ABCA13: variants seen among roughly 807,000 people sequenced by gnomAD.
ABCA13 encodes ATP-binding cassette sub-family A member 13.
In ABCA13, 476 loss-of-function variants were observed where a neutral mutation model predicts 478.7. That is an observed-to-expected ratio of 0.99 (90% CI 0.92 to 1.07). ABCA13 has a LOEUF of 1.07. ABCA13 is among the 50% of genes least tolerant of loss of function. The pLI, the probability that ABCA13 is intolerant of heterozygous loss-of-function variation, is 0.00. For missense variants in ABCA13, 6,060 were observed against 5,910.6 expected (o/e 1.03, Z -0.83); for synonymous variants, 2,252 against 2,158.9 (o/e 1.04, Z -1.20).
Position 48,183,876 on chromosome 7 carries a change from T to C in ABCA13, c.70-9083T>C, listed in dbSNP as rs570287471. ...AATGTTGTGTAAACACTTTTGACCA[T>C]TGAGCATACCTCTTGGTTCATGTGT... On this transcript the variant is annotated intron_variant, in intron 1 of 61. Coordinates refer to ENST00000435803, the MANE Select transcript of ABCA13 (RefSeq NM_152701.5). 4.6e-5 allele frequency among the ~76,000 whole-genome samples: 7 copies of C among 152,350 alleles called. No homozygotes were observed. In the East Asian group the frequency reaches 1.2e-3, roughly 25 times the overall value.
intron 9 of ABCA13, among the ~76,000 whole-genome samples, chr7:48,240,597 T>TA (rs1790683869): frequency 6.6e-6 from 1 of 152,236 alleles, no homozygotes; most frequent in African/African-American, 2.4e-5. Context: ...AGGTGTATGT[T>TA]ATTCCCTTCT....
intron 55 of ABCA13, among the ~76,000 whole-genome samples, chr7:48,528,962 G>T (rs1440492999): frequency 1.3e-5 from 2 of 152,148 alleles, no homozygotes; most frequent in Non-Finnish European, 2.9e-5. Flanking sequence ...ATACACTCAT[G>T]CATTCCTTTA....
chr7:48,397,019 G>A (rs528164875), intron 38 of ABCA13, among the ~76,000 whole-genome samples: 27 of 152,300 alleles, frequency 1.8e-4, no homozygotes, highest in Non-Finnish European at 3.7e-4. Flanking sequence ...TCTTTTCATA[G>A]TGTCTGTTTT....
intron 55 of ABCA13, among the ~76,000 whole-genome samples, chr7:48,568,264 GTTCATACAATAAC>G (rs1346164139): frequency 6.6e-6 from 1 of 151,880 alleles, no homozygotes; most frequent in Non-Finnish European, 1.5e-5. Flanking sequence ...ATATAAATAG[GTTCATACAATAAC>G]TTCCTTTTAT....
At position 48,273,887 on chromosome 7, in the gene ABCA13, G is replaced by T. The variant is rs764550533; in HGVS notation, c.4221G>T (p.Leu1407Phe). The T allele has an allele frequency of 4.3e-6, 7 of 1,612,626 alleles. No individual in the cohort carries two copies. The East Asian group carries it at 1.1e-4, about 26-fold the overall frequency. Reference protein sequence around the residue: ...WLDVINHLYLLSNSSFSQGHL... With the variant: ...WLDVINHLYLFSNSSFSQGHL... ...ATGTCATAAACCATTTGTATTTGTT[G>T]TCTAACTCCAGTTTTTCACAAGGTC... The change falls in exon 17 of 62, where the codon TTG (leucine) becomes TTT (phenylalanine). Residue 1407 changes from leucine (L) to phenylalanine (F), a missense_variant. Physicochemically the swap from Leu to Phe is conservative, Grantham distance 22. Coordinates refer to ENST00000435803, the MANE Select transcript of ABCA13 (RefSeq NM_152701.5).
chr7:48,364,234 A>G (rs965408826), intron 31 of ABCA13, among the ~76,000 whole-genome samples: 1 of 152,158 alleles, frequency 6.6e-6, no homozygotes. Context: ...TTCCCTGGAA[A>G]TAGGGTCTAG....
At chr7:48,291,228 G>A (rs879663691) in intron 20 of ABCA13, among the ~76,000 whole-genome samples, 3 of 152,164 alleles carry the variant, frequency 2.0e-5, no homozygotes, top group Non-Finnish European at 4.4e-5. Flanking sequence ...TTCTGGTAGA[G>A]CAGTCAGCGG....
chr7:48,495,826 T>A (rs984755818), intron 48 of ABCA13, among the ~76,000 whole-genome samples: 72 of 152,188 alleles, frequency 4.7e-4, no homozygotes, highest in African/African-American at 1.7e-3. Context: ...ATTTTCCTGG[T>A]AGATTAATCC....
chr7:48,511,534 G>A (rs1052432478), intron 51 of ABCA13, among the ~76,000 whole-genome samples: 4 of 152,032 alleles, frequency 2.6e-5, no homozygotes, highest in South Asian at 2.1e-4. Context: ...CAATTAACTC[G>A]GAGATTGCAT....
intron 31 of ABCA13, among the ~76,000 whole-genome samples, chr7:48,365,776 G>C (rs539272122): frequency 2.4e-4 from 37 of 152,190 alleles, no homozygotes; most frequent in Admixed American, 6.5e-4. Flanking sequence ...ATTGGTTTAT[G>C]TGTCTGTTTT....
chr7:48,550,513 C>G (rs1785216629), intron 55 of ABCA13, among the ~76,000 whole-genome samples: 1 of 151,828 alleles, frequency 6.6e-6, no homozygotes, highest in African/African-American at 2.4e-5. Context: ...CCCCCCTCAG[C>G]CTCCCAAAGT....
chr7:48,182,961 AG>A (rs1017082582), intron 1 of ABCA13, among the ~76,000 whole-genome samples: 5 of 152,222 alleles, frequency 3.3e-5, no homozygotes, highest in Non-Finnish European at 5.9e-5. Flanking sequence ...CATCTGGGAA[AG>A]TCCCCTCTTT....
intron 42 of ABCA13, among the ~76,000 whole-genome samples, chr7:48,445,312 C>T (rs541595682): frequency 6.6e-6 from 1 of 152,184 alleles, no homozygotes; most frequent in South Asian, 2.1e-4. Context: ...CCCGGCCTAG[C>T]CAAGTCTTAA....
intron 43 of ABCA13, among the ~76,000 whole-genome samples, chr7:48,465,066 C>A (rs1826716958): frequency 6.6e-6 from 1 of 152,162 alleles, no homozygotes; most frequent in South Asian, 2.1e-4. Context: ...TTCTCCTGGT[C>A]TGGGCTGCGC....
chr7:48,285,146 G>GT (rs1186037202), intron 19 of ABCA13, among the ~76,000 whole-genome samples: 62 of 152,274 alleles, frequency 4.1e-4, no homozygotes, highest in African/African-American at 1.4e-3. Flanking sequence ...GGCCCAGAGA[G>GT]TGAGAGTGAG....
In ABCA13 at chr7:48,275,339, T is replaced by G; in HGVS notation, c.5673T>G (p.His1891Gln). 6.2e-7 allele frequency: 1 copy of G among 1,613,978 alleles called. No homozygotes were observed. Among genetic ancestry groups the G allele is most frequent in the Non-Finnish European group, 8.5e-7 (1 of 1,179,870 alleles). The stretch of plus-strand genomic sequence containing the variant: ...CTAGGAAAGTGGTCTGCATAATTCA[T>G]GAATTAGTGGACTGGAATTCTATTC... ...EITRKVVCII[H>Q]ELVDWNSILL... The change falls in exon 17 of 62, where the codon CAT becomes CAG. Residue 1891 changes from histidine to glutamine, a missense_variant. This residue lies in a region of ABCA13 where 4,423 missense variants were observed against 4,309.1 expected (regional missense o/e 1.03). Coordinates refer to ENST00000435803, the MANE Select transcript of ABCA13 (RefSeq NM_152701.5).
intron 59 of ABCA13, among the ~76,000 whole-genome samples, chr7:48,617,086 C>G (rs1391556320): frequency 6.6e-6 from 1 of 152,026 alleles, no homozygotes; most frequent in Non-Finnish European, 1.5e-5. Flanking sequence ...AACTATAAAC[C>G]TATAATAAAC....
rs1458582661 is a variant in ABCA13 at position 48,580,375 on chromosome 7, G to A, written c.14505+1G>A. ...GATTCCAAGGCAGTGCATCCCTGAGGTAAATCTCCCTGGGGTCTTCTAGAT... is the reference window on the plus strand; with the variant it reads ...GATTCCAAGGCAGTGCATCCCTGAGATAAATCTCCCTGGGGTCTTCTAGAT... On this transcript the variant is annotated splice_donor_variant, in intron 56 of 61. Coordinates refer to ENST00000435803, the MANE Select transcript of ABCA13 (RefSeq NM_152701.5). LOFTEE classifies it high-confidence loss of function. The A allele has an allele frequency of 6.2e-7, 1 of 1,610,780 alleles. No homozygotes were observed. The highest frequency in any genetic ancestry group is 1.1e-5 in the South Asian group (1 of 90,244).
Position 48,276,185 on chromosome 7 carries a change from A to G in ABCA13, c.6519A>G (p.Lys2173=). 1 of 1,589,714 alleles carries G rather than the reference A, an allele frequency of 6.3e-7. No individual in the cohort carries two copies. The highest frequency in any genetic ancestry group is 8.6e-7 in the Non-Finnish European group (1 of 1,167,960). ...KAIATFWGSL[K]NISRAGNFDV... is the part of the protein sequence containing the mutation. ...TTGCTACTTTTTGGGGCTCTTTAAA[A>G]AATATATCTAGAGCAGGCAATTTTG... Residue 2173 remains lysine, a synonymous_variant, in exon 17 of 62, where the codon AAA becomes AAG. Transcript: ENST00000435803.
Sources: allele counts gnomAD v4.1 joint callset (sites outside exome capture counted in the v4.1 genomes callset), GRCh38; gene constraint gnomAD v4.1.1; regional missense constraint gnomAD v4.1.1; transcripts MANE v1.5; gene names NCBI Gene and HGNC (gene_info 2026-07-23, HGNC 2026-07-21).